Variants in STON2 observed in about 807,000 individuals in gnomAD.
The protein encoded by STON2 is stonin 2, also known as stonin-2.
A neutral mutation model predicts 65.7 loss-of-function variants in STON2; 29 were observed. That is an observed-to-expected ratio of 0.44 (90% CI 0.33 to 0.60). The LOEUF is 0.60. Among genes scored for constraint, STON2 ranks in the 20% least tolerant of loss-of-function variants. STON2 has a pLI of 0.03. For synonymous variants in STON2, 404 were observed against 414.2 expected (o/e 0.98, Z 0.30); for missense variants, 1,054 against 1,118.1 (o/e 0.94, Z 0.82).
Position 81,262,725 on chromosome 14 carries a change from A to G in STON2, c.*5689T>C, listed in dbSNP as rs1894199978. On this transcript the variant is annotated 3_prime_UTR_variant, in exon 8 of 8. Transcript: ENST00000614646. The stretch of plus-strand genomic sequence containing the variant: ...CATTTTTTTTTCAATTCTCAAAACA[A>G]CTAGACTCTTTCCAGCAGATTTGCT... 3 of 985,464 alleles carry G rather than the reference A, an allele frequency of 3.0e-6. No homozygotes were observed. Among genetic ancestry groups the G allele is most frequent in the Non-Finnish European group, 3.6e-6 (3 of 829,934 alleles). 61.0% of individuals were successfully genotyped at this position (985,464 alleles called of 1,614,324 possible). A position where few individuals can be genotyped will look rare whatever the true frequency, so the allele number is the denominator to read the frequency against.
At position 81,263,487 on chromosome 14, in the gene STON2, G is replaced by A. The variant is rs1343282022; in HGVS notation, c.*4927C>T. Among the ~76,000 whole-genome samples, 1 of 129,656 alleles carries A rather than the reference G, an allele frequency of 7.7e-6. No individual in the cohort carries two copies. The highest frequency in any genetic ancestry group is 1.6e-5 in the Non-Finnish European group (1 of 64,254). The allele number at this position is 129,656 out of a possible 152,430, so 85.1% of individuals were successfully genotyped here. ...CGGGAGGCGGAGGTTGCAGTGAGCC[G>A]ATGTCGTGCCACTGCACTCTAGCCT... On this transcript the variant is annotated 3_prime_UTR_variant, in exon 8 of 8. Coordinates refer to ENST00000614646, the MANE Select transcript of STON2 (RefSeq NM_001394390.1).
intron 5 of STON2, among the ~76,000 whole-genome samples, chr14:81,282,671 T>C (rs1895172086): frequency 6.6e-6 from 1 of 152,222 alleles, no homozygotes; most frequent in Non-Finnish European, 1.5e-5. Flanking sequence ...TATTCTTTCT[T>C]TCAAAAACTG....
chr14:81,362,170 A>T lies in STON2; in HGVS notation c.571+8818T>A, dbSNP rs565249873. ...GATTTGAAATCAGTATGCCAAAGAG[A>T]TGTCTGCATGCCCATGTTCACTACA... On this transcript the variant is annotated intron_variant, in intron 4 of 7. Transcript: ENST00000614646. Among the ~76,000 whole-genome samples the T allele has an allele frequency of 3.3e-5, 5 of 152,294 alleles. 1 individual carries two copies. The South Asian group carries it at 1.0e-3, about 32-fold the overall frequency.
intron 4 of STON2, among the ~76,000 whole-genome samples, chr14:81,341,469 T>TC (rs1555401172): frequency 1.9e-3 from 279 of 148,228 alleles, no homozygotes; most frequent in African/African-American, 6.1e-3. Flanking sequence ...TTTTTTTTTT[T>TC]CCCAAAAGTC....
chr14:81,428,073 G>C (rs1276706223), intron 1 of STON2, among the ~76,000 whole-genome samples: 1 of 152,144 alleles, frequency 6.6e-6, no homozygotes, highest in Non-Finnish European at 1.5e-5. Context: ...ACAGCGTTGA[G>C]GTGCAAATTA....
At chr14:81,385,166 T>C (rs1029529875) in intron 3 of STON2, among the ~76,000 whole-genome samples, 2 of 152,268 alleles carry the variant, frequency 1.3e-5, no homozygotes, top group Non-Finnish European at 2.9e-5. Context: ...TATTGTGTTT[T>C]GTATCCCACA....
intron 4 of STON2, among the ~76,000 whole-genome samples, chr14:81,336,616 T>C (rs1897380848): frequency 6.6e-6 from 1 of 151,714 alleles, no homozygotes; most frequent in East Asian, 1.9e-4. Context: ...CAACAGGACA[T>C]GAAAGTCACC....
chr14:81,346,028 T>A (rs1438576775), intron 4 of STON2, among the ~76,000 whole-genome samples: 1 of 152,200 alleles, frequency 6.6e-6, no homozygotes, highest in South Asian at 2.1e-4. Context: ...ATGGCAGATG[T>A]GCTCAGCAGC....
chr14:81,412,713 T>C lies in STON2; in HGVS notation c.-198-14133A>G, dbSNP rs1449209612. 4.3e-5 allele frequency among the ~76,000 whole-genome samples: 6 copies of C among 139,838 alleles called. 1 individual carries two copies. Among genetic ancestry groups the C allele is most frequent in the African/African-American group, 1.2e-4 (4 of 34,022 alleles). The allele number at this position is 139,838 out of a possible 152,430, so 91.7% of individuals were successfully genotyped here. On this transcript the variant is annotated intron_variant, in intron 2 of 8. Transcript: ENST00000553821. ...TGCTGCTGAACTCTACTCTTAAAAA[T>C]GGTTAAGGTGGTCCATTTTATAGTT...
chr14:81,285,904 T>C (rs1288468339), intron 5 of STON2, among the ~76,000 whole-genome samples: 2 of 152,186 alleles, frequency 1.3e-5, no homozygotes, highest in Non-Finnish European at 2.9e-5. Flanking sequence ...TCCCAGCATT[T>C]TGGGAGGCCA....
chr14:81,268,018 G>C lies in STON2; in HGVS notation c.*396C>G, dbSNP rs1894423300. 1 of 986,952 alleles carries C rather than the reference G, an allele frequency of 1.0e-6. No homozygotes were observed. Among genetic ancestry groups the C allele is most frequent in the Non-Finnish European group, 1.2e-6 (1 of 831,076 alleles). 61.1% of individuals were successfully genotyped at this position (986,952 alleles called of 1,614,324 possible). ...CTGCCTTTGCCAGAAAGTTATGCGA[G>C]TGACAGATGAACATCAGAAGGCAAT... On this transcript the variant is annotated 3_prime_UTR_variant, in exon 8 of 8. Coordinates refer to ENST00000614646, the MANE Select transcript of STON2 (RefSeq NM_001394390.1).
At chr14:81,330,070 CTA>C (rs1897154342) in intron 4 of STON2, among the ~76,000 whole-genome samples, 1 of 152,228 alleles carries the variant, frequency 6.6e-6, no homozygotes, top group South Asian at 2.1e-4. Context: ...ATCCACCTCT[CTA>C]TCCTGTTGTA....
At chr14:81,393,242 A>G (rs1900161535) in intron 3 of STON2, among the ~76,000 whole-genome samples, 1 of 152,244 alleles carries the variant, frequency 6.6e-6, no homozygotes, top group Non-Finnish European at 1.5e-5. Context: ...CTTTGAGGCT[A>G]AAGATAAAAT....
intron 5 of STON2, among the ~76,000 whole-genome samples, chr14:81,310,906 A>G (rs1304428122): frequency 6.6e-6 from 1 of 152,074 alleles, no homozygotes; most frequent in Non-Finnish European, 1.5e-5. Context: ...AAGGCCTTTG[A>G]CTTTTCATAG....
intron 4 of STON2, 40 bp downstream of exon 4, chr14:81,370,948 A>C: frequency 6.3e-7 from 1 of 1,591,746 alleles, no homozygotes; most frequent in Non-Finnish European, 8.6e-7. Context: ...GTACACCAAA[A>C]GTGATTTGCA....
At chr14:81,406,755 C>T (rs1900885036) in intron 2 of STON2, among the ~76,000 whole-genome samples, 1 of 152,150 alleles carries the variant, frequency 6.6e-6, no homozygotes, top group Non-Finnish European at 1.5e-5. Flanking sequence ...TATCTTTGTC[C>T]CATTCTCAAT....
At chr14:81,363,609 A>G (rs1403336691) in intron 4 of STON2, among the ~76,000 whole-genome samples, 5 of 147,060 alleles carry the variant, frequency 3.4e-5, no homozygotes, top group African/African-American at 1.2e-4. Flanking sequence ...AAAGAGTGAA[A>G]AGATGTGATT....
At chr14:81,435,871 T>G (rs1902398235) in intron 1 of STON2, among the ~76,000 whole-genome samples, 1 of 152,186 alleles carries the variant, frequency 6.6e-6, no homozygotes, top group South Asian at 2.1e-4. Flanking sequence ...GCTGGGGTCC[T>G]GCCTCCCGAC....
chr14:81,402,215 C>A (rs373056308), upstream of STON2, among the ~76,000 whole-genome samples: 1 of 152,148 alleles, frequency 6.6e-6, no homozygotes, highest in East Asian at 1.9e-4. Context: ...TCAGACAGTG[C>A]TGGACAGAAG....
Sources: allele counts gnomAD v4.1 joint callset (sites outside exome capture counted in the v4.1 genomes callset), GRCh38; gene constraint gnomAD v4.1.1; transcripts MANE v1.5; gene names NCBI Gene and HGNC (gene_info 2026-07-23, HGNC 2026-07-21).